Variants in UCHL3 observed in about 807,000 individuals in gnomAD.
The protein encoded by UCHL3 is ubiquitin C-terminal hydrolase L3, also known as ubiquitin carboxyl-terminal hydrolase isozyme L3.
UCHL3 carries 22 observed loss-of-function variants against 35.8 expected under a neutral mutation model. The observed-to-expected ratio is 0.61, with a 90% CI of 0.44 to 0.88. The LOEUF (loss-of-function observed/expected upper bound fraction) is 0.88. Among genes scored for constraint, UCHL3 ranks in the 40% least tolerant of loss-of-function variants. The probability of loss-of-function intolerance (pLI) is 0.00; values close to 1 mark genes in which losing one functional copy is unlikely to be tolerated. For synonymous variants in UCHL3, 90 were observed against 92.8 expected (o/e 0.97, Z 0.17); for missense variants, 229 against 276.9 (o/e 0.83, Z 1.23).
intron 7 of UCHL3, among the ~76,000 whole-genome samples, chr13:75,602,511 G>GT (rs1339209980): frequency 6.6e-6 from 1 of 152,184 alleles, no homozygotes; most frequent in Admixed American, 6.5e-5. Flanking sequence ...GAAGGGGCCT[G>GT]TAAGTGTGAC....
At chr13:75,565,834 T>C (rs1185420668) in intron 3 of UCHL3, among the ~76,000 whole-genome samples, 1 of 152,168 alleles carries the variant, frequency 6.6e-6, no homozygotes, top group East Asian at 1.9e-4. Context: ...TTCTTACTAT[T>C]AGGAAACTGA....
intron 2 of UCHL3, among the ~76,000 whole-genome samples, chr13:75,553,071 A>G (rs986455348): frequency 1.3e-5 from 2 of 152,226 alleles, no homozygotes; most frequent in African/African-American, 2.4e-5. Flanking sequence ...TTAGAGTTAG[A>G]AAAAGAATTA....
At chr13:75,584,939 AAG>A (rs756229991) in intron 6 of UCHL3, among the ~76,000 whole-genome samples, 2 of 152,242 alleles carry the variant, frequency 1.3e-5, no homozygotes, top group East Asian at 1.9e-4. Flanking sequence ...AATAGTGGAA[AAG>A]AGGGGGAAAA....
intron 6 of UCHL3, among the ~76,000 whole-genome samples, chr13:75,584,975 C>G (rs1346780193): frequency 4.0e-5 from 6 of 151,866 alleles, no homozygotes; most frequent in African/African-American, 1.2e-4. Flanking sequence ...AACAGTGCAT[C>G]CAACAGCTGT....
chr13:75,550,315 C>T (rs770497117), intron 2 of UCHL3, among the ~76,000 whole-genome samples: 9 of 152,142 alleles, frequency 5.9e-5, no homozygotes, highest in South Asian at 4.1e-4. Flanking sequence ...GTGCCGATTC[C>T]ATAATTTTCC....
intron 7 of UCHL3, among the ~76,000 whole-genome samples, chr13:75,600,912 T>C (rs1162809652): frequency 1.3e-5 from 2 of 152,204 alleles, no homozygotes; most frequent in Admixed American, 1.3e-4. Context: ...CTTAAGAACA[T>C]TCATGATTTA....
chr13:75,584,129 G>A (rs1196178558), intron 6 of UCHL3, among the ~76,000 whole-genome samples: 1 of 152,146 alleles, frequency 6.6e-6, no homozygotes, highest in African/African-American at 2.4e-5. Context: ...CCCTTTTGCG[G>A]GAGGGGCAGG....
chr13:75,600,979 C>A (rs1303188121), intron 7 of UCHL3, among the ~76,000 whole-genome samples: 16 of 152,144 alleles, frequency 1.1e-4, no homozygotes, highest in Admixed American at 1.0e-3. Context: ...TGGTTCCAAT[C>A]CTCATGGATG....
At chr13:75,565,894 T>A (rs951996594) in intron 3 of UCHL3, among the ~76,000 whole-genome samples, 12 of 152,224 alleles carry the variant, frequency 7.9e-5, no homozygotes, top group African/African-American at 2.9e-4. Context: ...TAATAACAGC[T>A]GAGCCAGGAC....
chr13:75,576,519 TAA>T (rs2138518583), intron 6 of UCHL3, among the ~76,000 whole-genome samples: 1 of 152,116 alleles, frequency 6.6e-6, no homozygotes, highest in South Asian at 2.1e-4. Context: ...CACACCCAGC[TAA>T]TTTTTTGTGT....
rs1555276704 is a variant in UCHL3 at position 75,592,425 on chromosome 13, T to TATGTATATACATATATAC, written c.475-2488_475-2487insGTATATACATATATACAT. On this transcript the variant is annotated intron_variant, in intron 6 of 8. Coordinates refer to ENST00000377595, the MANE Select transcript of UCHL3 (RefSeq NM_006002.5). ...TTTTAATTTTTCCTTCATATATATATATATATATATATATATATATATATA... is the reference window on the plus strand; with the variant it reads ...TTTTAATTTTTCCTTCATATATATATATGTATATACATATATACATATATATATATATATATATATATA... Among the ~76,000 whole-genome samples the TATGTATATACATATATAC allele has an allele frequency of 1.3e-3, 84 of 63,448 alleles. 6 individuals carry two copies. The highest frequency in any genetic ancestry group is 4.7e-3 in the African/African-American group (76 of 16,140). The allele number at this position is 63,448 out of a possible 152,430, so 41.6% of individuals were successfully genotyped here.
chr13:75,570,328 C>G (rs1365089906), intron 6 of UCHL3, among the ~76,000 whole-genome samples: 2 of 152,206 alleles, frequency 1.3e-5, no homozygotes, highest in African/African-American at 4.8e-5. Context: ...GCTCCGCCTC[C>G]CGGGTCACTC....
chr13:75,595,120 C>A, intron 7 of UCHL3, 130 bp downstream of exon 7: 2 of 687,532 alleles, frequency 2.9e-6, no homozygotes, highest in Non-Finnish European at 4.6e-6. Context: ...ATTGATTTGA[C>A]ATAGCGACAG....
At chr13:75,575,346 G>A (rs571433743) in intron 6 of UCHL3, among the ~76,000 whole-genome samples, 9 of 152,182 alleles carry the variant, frequency 5.9e-5, no homozygotes, top group African/African-American at 2.2e-4. Context: ...TTCATCTTTC[G>A]CTTAAGATTA....
At chr13:75,558,207 T>G (rs1593974540) in intron 2 of UCHL3, among the ~76,000 whole-genome samples, 1 of 152,204 alleles carries the variant, frequency 6.6e-6, no homozygotes, top group Admixed American at 6.5e-5. Context: ...AAAGCATGAT[T>G]CTGGTTAAAA....
At chr13:75,561,211 G>A (rs1330280126) in intron 3 of UCHL3, among the ~76,000 whole-genome samples, 1 of 152,102 alleles carries the variant, frequency 6.6e-6, no homozygotes, top group East Asian at 1.9e-4. Flanking sequence ...GGGCTTATAG[G>A]CATGAGCCAC....
intron 6 of UCHL3, among the ~76,000 whole-genome samples, chr13:75,570,129 AAAAG>A (rs539538069): frequency 3.1e-4 from 47 of 152,324 alleles, no homozygotes; most frequent in African/African-American, 1.1e-3. Flanking sequence ...ATTTTAGTCA[AAAAG>A]AATTTAACTA....
At chr13:75,586,780 G>C (rs534368836) in intron 6 of UCHL3, among the ~76,000 whole-genome samples, 1 of 151,840 alleles carries the variant, frequency 6.6e-6, no homozygotes, top group Non-Finnish European at 1.5e-5. Flanking sequence ...ATAATTCATG[G>C]ATCAAAGAGG....
At chr13:75,586,566 A>G (rs888973906) in intron 6 of UCHL3, among the ~76,000 whole-genome samples, 5 of 152,038 alleles carry the variant, frequency 3.3e-5, no homozygotes, top group African/African-American at 9.7e-5. Context: ...CAACAGTTGA[A>G]TATACAGTCT....
Sources: allele counts gnomAD v4.1 joint callset (sites outside exome capture counted in the v4.1 genomes callset), GRCh38; gene constraint gnomAD v4.1.1; transcripts MANE v1.5; gene names NCBI Gene and HGNC (gene_info 2026-07-23, HGNC 2026-07-21).